The following INSL6 variants were observed in gnomAD, a reference collection of about 807,000 sequenced individuals.
INSL6 encodes the protein insulin like 6.
A neutral mutation model predicts 9.4 loss-of-function variants in INSL6; 16 were observed. The ratio of observed to expected loss-of-function variants is 1.70; its 90% CI spans 1.15 to 2.59. The LOEUF (loss-of-function observed/expected upper bound fraction) is 2.59. Among genes scored for constraint, INSL6 ranks in the 30% most tolerant of loss-of-function variants. The probability of loss-of-function intolerance (pLI) is 0.00; values close to 1 mark genes in which losing one functional copy is unlikely to be tolerated. For synonymous variants in INSL6, 154 were observed against 96.9 expected (o/e 1.59, Z -3.46); for missense variants, 391 against 257.3 (o/e 1.52, Z -3.56).
chr9:5,155,590 T>C (rs1586866476), intron 2 of INSL6, among the ~76,000 whole-genome samples: 1 of 146,106 alleles, frequency 6.8e-6, no homozygotes. Flanking sequence ...TATGCAGCCA[T>C]AAAAAAGGGT....
the INSL6 span, among the ~76,000 whole-genome samples, chr9:5,016,778 C>G: frequency 6.6e-6 from 1 of 152,152 alleles, no homozygotes; most frequent in African/African-American, 2.4e-5. Flanking sequence ...GCCAAGCTAA[C>G]CATTATCCTA....
the INSL6 span, among the ~76,000 whole-genome samples, chr9:5,026,386 ATGT>A: frequency 1.3e-5 from 2 of 152,254 alleles, no homozygotes; most frequent in Non-Finnish European, 2.9e-5. Context: ...CTGCTAAATA[ATGT>A]TATTATAAAT....
the INSL6 span, among the ~76,000 whole-genome samples, chr9:5,031,034 GA>G: frequency 6.6e-6 from 1 of 151,898 alleles, no homozygotes; most frequent in Non-Finnish European, 1.5e-5. Context: ...GTCTTAATAA[GA>G]AAAAACAGAA....
chr9:5,033,348 T>C, the INSL6 span, among the ~76,000 whole-genome samples: 1 of 152,130 alleles, frequency 6.6e-6, no homozygotes, highest in East Asian at 1.9e-4. Flanking sequence ...TTCCCTAATC[T>C]AGCGAGGCAG....
At chr9:5,068,255 A>G in the INSL6 span, among the ~76,000 whole-genome samples, 2 of 152,274 alleles carry the variant, frequency 1.3e-5, 1 homozygote, top group Admixed American at 1.3e-4. Context: ...TTTTATATAA[A>G]TGTTTCTGAG....
the INSL6 span, chr9:5,112,768 C>T: frequency 1.5e-5 from 9 of 612,868 alleles, no homozygotes; most frequent in South Asian, 3.3e-4. Context: ...AGGTGTCGCG[C>T]GTGTTCGGAG....
At chr9:5,114,054 TC>T in the INSL6 span, 1 of 329,342 alleles carries the variant, frequency 3.0e-6, no homozygotes, top group Non-Finnish European at 6.1e-6. Flanking sequence ...TGAGCTGGCC[TC>T]CACACAAAGC....
chr9:5,054,432 C>T, the INSL6 span: 6 of 671,928 alleles, frequency 8.9e-6, no homozygotes, highest in South Asian at 2.0e-5. The surrounding 1 kb of genome is among the most constrained non-coding windows in gnomAD (Gnocchi z 4.9). Context: ...TGTCAACTTA[C>T]GCCACTTGGC....
the INSL6 span, among the ~76,000 whole-genome samples, chr9:5,035,714 A>G: frequency 4.6e-5 from 7 of 152,346 alleles, no homozygotes; most frequent in East Asian, 1.3e-3. Flanking sequence ...TAAATTAGGT[A>G]TTGATGGGAC....
At chr9:5,055,486 A>G in the INSL6 span, among the ~76,000 whole-genome samples, 2 of 152,008 alleles carry the variant, frequency 1.3e-5, no homozygotes, top group African/African-American at 2.4e-5. Context: ...TTTTAAGTCA[A>G]GCAAGATACA....
the INSL6 span, among the ~76,000 whole-genome samples, chr9:5,026,094 T>A: frequency 1.3e-5 from 2 of 152,362 alleles, no homozygotes; most frequent in East Asian, 3.9e-4. Context: ...TGGATTTTTA[T>A]CATGTCCATC....
chr9:5,092,474 G>A, the INSL6 span, among the ~76,000 whole-genome samples: 1 of 152,060 alleles, frequency 6.6e-6, no homozygotes, highest in Admixed American at 6.6e-5. Flanking sequence ...TGGTCACTTT[G>A]AGCCAACCCT....
At chr9:5,072,891 T>A in the INSL6 span, among the ~76,000 whole-genome samples, 2 of 152,178 alleles carry the variant, frequency 1.3e-5, no homozygotes, top group Non-Finnish European at 2.9e-5. Flanking sequence ...GCCTTGATTT[T>A]CAAACTTGGC....
chr9:5,065,555 C>T, the INSL6 span, among the ~76,000 whole-genome samples: 5 of 152,154 alleles, frequency 3.3e-5, no homozygotes, highest in African/African-American at 1.2e-4. Context: ...GGCTGTTTAG[C>T]ATTTGAGATG....
the INSL6 span, among the ~76,000 whole-genome samples, chr9:5,079,009 T>C: frequency 6.6e-6 from 1 of 152,258 alleles, no homozygotes; most frequent in Non-Finnish European, 1.5e-5. Flanking sequence ...TTATCTTAGA[T>C]AATTTCTCTA....
chr9:5,068,586 G>T, the INSL6 span, among the ~76,000 whole-genome samples: 1 of 152,336 alleles, frequency 6.6e-6, no homozygotes, highest in African/African-American at 2.4e-5. Context: ...GCATGAAGCA[G>T]CATGGCATTT....
chr9:5,087,395 G>C, the INSL6 span, among the ~76,000 whole-genome samples: 3 of 152,158 alleles, frequency 2.0e-5, no homozygotes, highest in African/African-American at 7.2e-5. Context: ...CTCCCACCAG[G>C]TCCTTCCAAT....
At chr9:5,085,366 A>G in the INSL6 span, 1 of 904,792 alleles carries the variant, frequency 1.1e-6, no homozygotes, top group South Asian at 1.3e-5. Flanking sequence ...CTGATAGGTG[A>G]TCTCATGCAC....
the INSL6 span, among the ~76,000 whole-genome samples, chr9:5,005,447 A>G: frequency 1.3e-5 from 2 of 152,052 alleles, no homozygotes; most frequent in African/African-American, 4.8e-5. Flanking sequence ...CTTGCTGTGT[A>G]CAAGTTTTTA....
Sources: gnomAD v4.1 joint callset for allele counts (sites outside exome capture counted in the v4.1 genomes callset) on GRCh38, gnomAD v4.1.1 for gene constraint, Gnocchi (gnomAD v3.1) non-coding constraint, MANE v1.5 for transcripts, NCBI Gene and HGNC (gene_info 2026-07-23, HGNC 2026-07-21) for gene names.